ANKRD36C: variants seen among roughly 807,000 people sequenced by gnomAD.
ANKRD36C encodes the protein ankyrin repeat domain-containing protein 36C.
In ANKRD36C, 61 loss-of-function variants were observed where a neutral mutation model predicts 276.4. The ratio of observed to expected loss-of-function variants is 0.22; its 90% CI spans 0.18 to 0.27. The LOEUF (loss-of-function observed/expected upper bound fraction) is 0.27. Among genes scored for constraint, ANKRD36C ranks in the 10% least tolerant of loss-of-function variants. The probability of loss-of-function intolerance (pLI) is 1.00; values close to 1 mark genes in which losing one functional copy is unlikely to be tolerated. For missense variants in ANKRD36C, 1,447 were observed against 2,032.3 expected, an observed-to-expected ratio of 0.71 and a Z score of 5.54; for synonymous variants, 483 against 680.1, an observed-to-expected ratio of 0.71 and a Z score of 4.51.
At chr2:95,862,292 A>C (rs1675604850) in intron 60 of ANKRD36C, among the ~76,000 whole-genome samples, 1 of 151,928 alleles carries the variant, frequency 6.6e-6, no homozygotes, top group African/African-American at 2.4e-5. Flanking sequence ...AACAACTCTC[A>C]AAGGATTGAG....
At chr2:95,917,213 T>C (rs1251836566) in intron 36 of ANKRD36C, among the ~76,000 whole-genome samples, 10 of 151,658 alleles carry the variant, frequency 6.6e-5, no homozygotes, top group Non-Finnish European at 1.2e-4. Context: ...GTGTGCTTTA[T>C]CCCAATTCTA....
chr2:95,912,560 T>C, intron 40 of ANKRD36C, 125 bp from the exon 43 acceptor site: 1 of 1,546,360 alleles, frequency 6.5e-7, no homozygotes, highest in Admixed American at 1.9e-5. Flanking sequence ...TGATGGCTTC[T>C]ATTTTGTGTC....
At chr2:95,856,929 A>G (rs996456828) in intron 62 of ANKRD36C, among the ~76,000 whole-genome samples, 31 of 152,178 alleles carry the variant, frequency 2.0e-4, no homozygotes, top group Non-Finnish European at 4.1e-4. Flanking sequence ...CAAGAAAATT[A>G]AATCTATAAA....
chr2:95,989,145 C>G (rs1679088100), intron 1 of ANKRD36C, among the ~76,000 whole-genome samples: 1 of 152,062 alleles, frequency 6.6e-6, no homozygotes. Context: ...CCAGGCTGGG[C>G]AACAGGGTAA....
At chr2:95,971,020 A>G (rs542398164) in intron 6 of ANKRD36C, among the ~76,000 whole-genome samples, 1 of 152,130 alleles carries the variant, frequency 6.6e-6, no homozygotes, top group Non-Finnish European at 1.5e-5. Context: ...AATAAACTAA[A>G]AGCAAAAAAG....
chr2:95,967,968 T>C (rs1040297800), intron 6 of ANKRD36C, among the ~76,000 whole-genome samples: 1 of 152,116 alleles, frequency 6.6e-6, no homozygotes, highest in African/African-American at 2.4e-5. Context: ...GGCACACGTA[T>C]GTAATCCCAG....
chr2:95,864,670 G>A (rs1447283718), intron 60 of ANKRD36C, among the ~76,000 whole-genome samples: 1 of 151,994 alleles, frequency 6.6e-6, no homozygotes, highest in Non-Finnish European at 1.5e-5. Flanking sequence ...CCAACCTGTG[G>A]GCCAGCTTCT....
chr2:95,922,145 T>G (rs1677289924), intron 32 of ANKRD36C, among the ~76,000 whole-genome samples: 1 of 151,616 alleles, frequency 6.6e-6, no homozygotes, highest in Non-Finnish European at 1.5e-5. Flanking sequence ...TGGGAAAATC[T>G]CAAAGCAGGT....
intron 36 of ANKRD36C, among the ~76,000 whole-genome samples, chr2:95,917,108 T>A (rs1468955874): frequency 6.6e-6 from 1 of 151,588 alleles, no homozygotes; most frequent in Admixed American, 6.6e-5. Flanking sequence ...AGGAAGCCAA[T>A]GTATTCATAT....
intron 17 of ANKRD36C, among the ~76,000 whole-genome samples, chr2:95,946,571 G>T (rs1329105812): frequency 6.9e-6 from 1 of 144,924 alleles, no homozygotes; most frequent in Non-Finnish European, 1.5e-5. Flanking sequence ...TATACCCAAA[G>T]GACTATAAAT....
At position 95,873,417 on chromosome 2, in the gene ANKRD36C, C is replaced by A. The variant is rs561176459; in HGVS notation, c.3540+3022G>T. The stretch of plus-strand genomic sequence containing the variant: ...TATAAACAAAACCAAAGACAAAAAC[C>A]ACATGATTATCTCAATAGATGCAGA... On this transcript the variant is annotated intron_variant, in intron 59 of 66. Transcript: ENST00000456556. 9.9e-5 allele frequency among the ~76,000 whole-genome samples: 15 copies of A among 152,248 alleles called. No individual in the cohort carries two copies. In the South Asian group the frequency reaches 2.3e-3, roughly 23 times the overall value.
chr2:95,979,514 T>C (rs1371587632), intron 5 of ANKRD36C, among the ~76,000 whole-genome samples: 1 of 151,984 alleles, frequency 6.6e-6, no homozygotes, highest in Non-Finnish European at 1.5e-5. Flanking sequence ...GAGATGGTGA[T>C]GCAAGCAGCT....
At chr2:95,902,248 G>A (rs1676675807) in intron 42 of ANKRD36C, among the ~76,000 whole-genome samples, 1 of 149,062 alleles carries the variant, frequency 6.7e-6, no homozygotes, top group South Asian at 2.1e-4. Flanking sequence ...AGTCAGTGTG[G>A]TGGTGTATTC....
At chr2:95,959,047 A>T (rs4907289) in intron 10 of ANKRD36C, among the ~76,000 whole-genome samples, 19 of 152,304 alleles carry the variant, frequency 1.2e-4, no homozygotes, top group South Asian at 2.1e-4. Flanking sequence ...AACAGTGTCT[A>T]TATCAATGTG....
At chr2:95,933,750 GA>G (rs1677636717) in intron 24 of ANKRD36C, among the ~76,000 whole-genome samples, 1 of 152,272 alleles carries the variant, frequency 6.6e-6, no homozygotes, top group South Asian at 2.1e-4. Flanking sequence ...CTTCCTATTT[GA>G]ATACCCTTTA....
Position 95,919,658 on chromosome 2 carries a change from C to T in ANKRD36C, c.2246-1616G>A, listed in dbSNP as rs563651989. 82 of 657,582 alleles carry T rather than the reference C, an allele frequency of 1.2e-4. 16 individuals are homozygous for T. The South Asian group carries it at 4.9e-3, about 39-fold the overall frequency. The allele number at this position is 657,582 out of a possible 1,614,324, so 40.7% of individuals were successfully genotyped here. On this transcript the variant is annotated intron_variant, in intron 34 of 66. Coordinates refer to ENST00000456556, the Ensembl canonical transcript of ANKRD36C. ...TCGGCGACTCCCCCCACCCACCCTC[C>T]GCTGATTTATTCGGGATAGAGAAGT...
At chr2:95,957,016 A>T in intron 12 of ANKRD36C, among the ~76,000 whole-genome samples, 200 bp from the exon 13 acceptor site, 1 of 148,060 alleles carries the variant, frequency 6.8e-6, no homozygotes. Context: ...TTAAAAAGTT[A>T]AAAAAAAAAA....
chr2:95,897,179 G>A lies in ANKRD36C; in HGVS notation c.2755+1966C>T, dbSNP rs1008699958. 51 of 1,115,338 alleles carry A rather than the reference G, an allele frequency of 4.6e-5. No individual in the cohort carries two copies. The African/African-American group carries it at 7.9e-4, about 17-fold the overall frequency. The allele number at this position is 1,115,338 out of a possible 1,614,324, so 69.1% of individuals were successfully genotyped here. A position where few individuals can be genotyped will look rare whatever the true frequency, so the allele number is the denominator to read the frequency against. On this transcript the variant is annotated intron_variant, in intron 44 of 66. Coordinates refer to ENST00000456556, the Ensembl canonical transcript of ANKRD36C. The stretch of plus-strand genomic sequence containing the variant: ...CAGGACTGCTGAATCAGAATGTGCA[G>A]CTTCAACGAGCCCCCCGCTGATTTA...
intron 19 of ANKRD36C, among the ~76,000 whole-genome samples, chr2:95,944,300 G>A (rs1025893942): frequency 1.1e-4 from 16 of 151,958 alleles, no homozygotes; most frequent in African/African-American, 3.9e-4. Context: ...CTTTCAGGTT[G>A]CTTTCTACTT....
Sources: allele counts gnomAD v4.1 joint callset (sites outside exome capture counted in the v4.1 genomes callset), GRCh38; gene constraint gnomAD v4.1.1; transcripts MANE v1.5; gene names NCBI Gene and HGNC (gene_info 2026-07-23, HGNC 2026-07-21).